The following AGBL4 variants were observed in gnomAD, a reference collection of about 807,000 sequenced individuals.
AGBL4 encodes the protein cytosolic carboxypeptidase 6.
A neutral mutation model predicts 66.4 loss-of-function variants in AGBL4; 58 were observed. That is an observed-to-expected ratio of 0.87 (90% CI 0.71 to 1.09). The LOEUF is 1.09. AGBL4 is among the 50% of genes least tolerant of loss of function. AGBL4 has a pLI of 0.00. For synonymous variants in AGBL4, 234 were observed against 222.9 expected (o/e 1.05, Z -0.44); for missense variants, 579 against 631.0 (o/e 0.92, Z 0.88).
chr1:48,730,714 T>C (rs1375321649), intron 6 of AGBL4, among the ~76,000 whole-genome samples: 1 of 152,174 alleles, frequency 6.6e-6, no homozygotes, highest in African/African-American at 2.4e-5. Context: ...TAGATATTAA[T>C]CACCTGCAGT....
At chr1:49,269,355 T>C (rs1218958566) in intron 3 of AGBL4, 1 of 152,218 alleles carries the variant, frequency 6.6e-6, no homozygotes, top group Admixed American at 6.5e-5. Flanking sequence ...TCCAAAAATA[T>C]ATTTATTTGA....
intron 6 of AGBL4, among the ~76,000 whole-genome samples, chr1:48,670,947 C>T (rs1184325002): frequency 6.6e-6 from 1 of 152,236 alleles, no homozygotes; most frequent in African/African-American, 2.4e-5. Context: ...TCAACAGGGC[C>T]TTTCAACAAT....
intron 9 of AGBL4, among the ~76,000 whole-genome samples, chr1:48,629,190 T>G (rs1349975183): frequency 1.3e-5 from 2 of 152,140 alleles, no homozygotes; most frequent in Non-Finnish European, 2.9e-5. Flanking sequence ...CATTCACATA[T>G]GGGCTTAGCT....
intron 6 of AGBL4, among the ~76,000 whole-genome samples, chr1:48,745,840 C>T (rs1051668056): frequency 2.0e-5 from 3 of 152,090 alleles, no homozygotes; most frequent in South Asian, 4.1e-4. Context: ...AGTAGAGCTT[C>T]CTTTGCACTC....
At chr1:49,151,327 T>A (rs1343500337) in intron 4 of AGBL4, among the ~76,000 whole-genome samples, 2 of 149,758 alleles carry the variant, frequency 1.3e-5, no homozygotes, top group Non-Finnish European at 3.0e-5. Flanking sequence ...CACATACACA[T>A]AAACAAAACC....
chr1:49,988,376 T>A (rs1263241606), intron 1 of AGBL4, among the ~76,000 whole-genome samples: 1 of 152,170 alleles, frequency 6.6e-6, no homozygotes, highest in Non-Finnish European at 1.5e-5. Flanking sequence ...AAGAGAACTC[T>A]AAGGTCACTT....
intron 4 of AGBL4, among the ~76,000 whole-genome samples, chr1:49,050,291 G>T (rs546352461): frequency 2.6e-5 from 4 of 152,094 alleles, no homozygotes; most frequent in Non-Finnish European, 4.4e-5. Flanking sequence ...ACTCTCTCAT[G>T]CATGTACACA....
At chr1:48,928,974 G>A (rs1350532606) in intron 5 of AGBL4, among the ~76,000 whole-genome samples, 2 of 152,018 alleles carry the variant, frequency 1.3e-5, no homozygotes, top group East Asian at 3.9e-4. Flanking sequence ...TTAATTACAA[G>A]AGCCCCATTC....
chr1:49,634,220 C>T (rs1263500161), intron 3 of AGBL4, among the ~76,000 whole-genome samples: 1 of 152,042 alleles, frequency 6.6e-6, no homozygotes, highest in Non-Finnish European at 1.5e-5. Flanking sequence ...CACTAGCCCC[C>T]CAACCCTGAG....
At chr1:49,357,141 G>C (rs1336602646) in intron 3 of AGBL4, among the ~76,000 whole-genome samples, 5 of 152,184 alleles carry the variant, frequency 3.3e-5, no homozygotes, top group African/African-American at 1.2e-4. Context: ...AGTTACGGCT[G>C]GGCCAACAAA....
chr1:49,282,058 TCTGA>T (rs1422348273), intron 3 of AGBL4, among the ~76,000 whole-genome samples: 1 of 152,174 alleles, frequency 6.6e-6, no homozygotes, highest in Non-Finnish European at 1.5e-5. Context: ...ACCCCTGGCA[TCTGA>T]CTATCTCCAG....
At chr1:49,574,731 C>G (rs1375061080) in intron 3 of AGBL4, among the ~76,000 whole-genome samples, 1 of 152,014 alleles carries the variant, frequency 6.6e-6, no homozygotes, top group African/African-American at 2.4e-5. Context: ...CCATCAAAGG[C>G]AAGGTGGGCA....
At chr1:48,827,391 C>A (rs1350354135) in intron 6 of AGBL4, among the ~76,000 whole-genome samples, 1 of 152,180 alleles carries the variant, frequency 6.6e-6, no homozygotes, top group Non-Finnish European at 1.5e-5. Flanking sequence ...TAATCCTGGC[C>A]TCTCCCTAGC....
At chr1:49,238,974 G>T (rs2148315426) in intron 4 of AGBL4, among the ~76,000 whole-genome samples, 1 of 152,194 alleles carries the variant, frequency 6.6e-6, no homozygotes, top group East Asian at 1.9e-4. Flanking sequence ...TTCTATGTTT[G>T]TTTCATAAAT....
At chr1:49,761,998 T>C (rs1043194060) in intron 2 of AGBL4, among the ~76,000 whole-genome samples, 1 of 152,198 alleles carries the variant, frequency 6.6e-6, no homozygotes, top group Admixed American at 6.5e-5. Flanking sequence ...CTTGGGTCAA[T>C]CCCACACCTT....
At chr1:49,944,801 C>G (rs1655065397) in intron 1 of AGBL4, among the ~76,000 whole-genome samples, 1 of 150,858 alleles carries the variant, frequency 6.6e-6, no homozygotes, top group African/African-American at 2.4e-5. Flanking sequence ...TTTAAAGAAA[C>G]CAAAAAAAAC....
intron 2 of AGBL4, among the ~76,000 whole-genome samples, chr1:49,764,497 C>G (rs887784493): frequency 2.6e-5 from 4 of 152,150 alleles, no homozygotes; most frequent in Admixed American, 2.0e-4. Context: ...TGATCACAGC[C>G]AGCACCTCAA....
chr1:49,735,967 G>C (rs937747938), intron 2 of AGBL4, among the ~76,000 whole-genome samples: 2 of 151,658 alleles, frequency 1.3e-5, no homozygotes, highest in Admixed American at 6.6e-5. Flanking sequence ...TTTAAAGATG[G>C]GTCAACTGAA....
chr1:49,190,837 G>A (rs1647104749), intron 4 of AGBL4, among the ~76,000 whole-genome samples: 1 of 152,074 alleles, frequency 6.6e-6, no homozygotes, highest in Admixed American at 6.6e-5. Context: ...ACAAACAAAA[G>A]TGTTCCTGAG....
Sources: gnomAD v4.1 joint callset for allele counts (sites outside exome capture counted in the v4.1 genomes callset) on GRCh38, gnomAD v4.1.1 for gene constraint, MANE v1.5 for transcripts, NCBI Gene and HGNC (gene_info 2026-07-23, HGNC 2026-07-21) for gene names.